Variants in TMEM67 observed in about 807,000 individuals in gnomAD.
The protein encoded by TMEM67 is meckelin.
A neutral mutation model predicts 136.6 loss-of-function variants in TMEM67; 124 were observed. The ratio of observed to expected loss-of-function variants is 0.91; its 90% confidence interval spans 0.78 to 1.05. The LOEUF (loss-of-function observed/expected upper bound fraction) is 1.05, where lower values mean the gene tolerates loss of function less well. Among genes scored for constraint, TMEM67 ranks in the 50% least tolerant of loss-of-function variants. The probability of loss-of-function intolerance (pLI) is 0.00; values close to 1 mark genes in which losing one functional copy is unlikely to be tolerated. For synonymous variants in TMEM67, 364 were observed against 390.5 expected (o/e 0.93, Z 0.80); for missense variants, 1,107 against 1,178.4 (o/e 0.94, Z 0.89).
intron 18 of TMEM67, 61 bp downstream of exon 18, chr8:93,796,048 T>A: frequency 9.5e-7 from 1 of 1,056,802 alleles, no homozygotes; most frequent in Non-Finnish European, 1.5e-6. Flanking sequence ...AACAAGTCTT[T>A]AAAATTAAAA....
intron 2 of TMEM67, chr8:93,757,069 G>T (rs1812602330): frequency 6.8e-6 from 1 of 146,428 alleles, no homozygotes; most frequent in Admixed American, 7.1e-5. Context: ...GCGAGACTCT[G>T]TCTCAAAAAA....
downstream of TMEM67, chr8:93,819,195 ATT>A (rs761600404): frequency 2.3e-6 from 1 of 440,494 alleles, no homozygotes; most frequent in Non-Finnish European, 4.5e-6. Context: ...CCCAAAATAT[ATT>A]TTTTTCTTGC....
chr8:93,802,741 T>A (rs1286569235), intron 21 of TMEM67, among the ~76,000 whole-genome samples: 1 of 152,220 alleles, frequency 6.6e-6, no homozygotes, highest in Non-Finnish European at 1.5e-5. Flanking sequence ...GTTTTTCACA[T>A]CCTTTAAAGA....
At position 93,795,983 on chromosome 8, in the gene TMEM67, T is replaced by C; in HGVS notation, c.1856T>C (p.Leu619Pro). 1.2e-6 allele frequency: 2 copies of C among 1,611,178 alleles called. No individual in the cohort carries two copies. The highest frequency in any genetic ancestry group is 8.5e-7 in the Non-Finnish European group (1 of 1,177,392). ...ACTTATGTTGGATGTGCCTTTGCTCTGAAGGTAAGTTTTAAAGGACAGGTT... is the reference window on the plus strand; with the variant it reads ...ACTTATGTTGGATGTGCCTTTGCTCCGAAGGTAAGTTTTAAAGGACAGGTT... The part of the protein sequence containing the change: ...FVTYVGCAFA[L>P]KALQFLHKLI... The change falls in exon 18 of 28, where the codon CTG becomes CCG. Residue 619 changes from leucine (L) to proline (P), a missense_variant. By Grantham distance (98) the Leu-to-Pro change is moderately conservative (BLOSUM62 -3). This residue lies in a region of TMEM67 where 925 missense variants were observed against 1,002.4 expected (regional missense o/e 0.92). Coordinates refer to ENST00000453321, the MANE Select transcript of TMEM67 (RefSeq NM_153704.6).
chr8:93,775,446 G>A (rs1276528607), intron 7 of TMEM67, among the ~76,000 whole-genome samples: 3 of 152,126 alleles, frequency 2.0e-5, no homozygotes, highest in Non-Finnish European at 4.4e-5. Context: ...GTCCTGAATG[G>A]TATTGCCTAG....
At chr8:93,795,552 G>A (rs1177797673) in intron 17 of TMEM67, 45 bp downstream of exon 17, 1 of 1,458,758 alleles carries the variant, frequency 6.9e-7, no homozygotes, top group East Asian at 2.3e-5. Flanking sequence ...TATCTGAATA[G>A]TTGAAAAGCT....
At chr8:93,766,279 C>T (rs908003850) in intron 6 of TMEM67, among the ~76,000 whole-genome samples, 13 of 152,154 alleles carry the variant, frequency 8.5e-5, no homozygotes, top group South Asian at 2.1e-4. Context: ...CCACTACGCC[C>T]GGCTAATTTT....
rs1392147848 is a variant in TMEM67, at chr8:93,791,339, T to A, written c.1575+20T>A. 1 of 1,503,282 alleles carries A rather than the reference T, an allele frequency of 6.7e-7. No individual in the cohort carries two copies. The highest frequency in any genetic ancestry group is 1.4e-5 in the African/African-American group (1 of 72,624). The allele number at this position is 1,503,282 out of a possible 1,614,324, so 93.1% of individuals were successfully genotyped here. ...ACAGATGTAAGTTTATTTTAACCTT[T>A]TAAAATATATACAGTGTATTTTATA... On this transcript the variant is annotated intron_variant, in intron 15 of 27. Transcript: ENST00000453321.
chr8:93,792,241 G>A (rs935868659), intron 15 of TMEM67, among the ~76,000 whole-genome samples: 13 of 151,286 alleles, frequency 8.6e-5, no homozygotes, highest in African/African-American at 2.7e-4. Context: ...GCGCTATCTC[G>A]GCCCACTGCA....
intron 3 of TMEM67, among the ~76,000 whole-genome samples, chr8:93,763,535 A>C (rs1812940588): frequency 6.6e-6 from 1 of 152,212 alleles, no homozygotes; most frequent in South Asian, 2.1e-4. Context: ...GAGGTAAGAA[A>C]ATTTTTGAGG....
At chr8:93,788,890 A>G (rs138958029) in intron 14 of TMEM67, among the ~76,000 whole-genome samples, 1 of 152,314 alleles carries the variant, frequency 6.6e-6, no homozygotes, top group East Asian at 1.9e-4. Flanking sequence ...AATGAGCCTA[A>G]AGAAGGTTGA....
Position 93,815,437 on chromosome 8 carries a change from TACA to T in TMEM67, c.2902_2904del (p.Gln968del), listed in dbSNP as rs1367732232. The T allele has an allele frequency of 6.2e-7, 1 of 1,612,482 alleles. No individual in the cohort carries two copies. Among genetic ancestry groups the T allele is most frequent in the Non-Finnish European group, 8.5e-7 (1 of 1,179,502 alleles). ...ATTTTAGCATCCTTCCTTACATATCTACAACAAGAGGTAAACTTTTAAAATTTT... is the reference window on the plus strand; with the variant it reads ...ATTTTAGCATCCTTCCTTACATATCTACAAGAGGTAAACTTTTAAAATTTT... On this transcript the variant is annotated inframe_deletion, in exon 27 of 28. Coordinates refer to ENST00000453321, the MANE Select transcript of TMEM67 (RefSeq NM_153704.6).
chr8:93,791,525 A>G (rs1033734336), intron 15 of TMEM67, among the ~76,000 whole-genome samples: 8 of 152,160 alleles, frequency 5.3e-5, no homozygotes, highest in African/African-American at 1.9e-4. Flanking sequence ...TACTATTTGA[A>G]TTTCACTATT....
At chr8:93,769,218 G>T (rs1813224169) in intron 6 of TMEM67, among the ~76,000 whole-genome samples, 2 of 152,204 alleles carry the variant, frequency 1.3e-5, no homozygotes, top group Admixed American at 1.3e-4. Flanking sequence ...CCTTGAAGAA[G>T]GGCTGCCTGC....
intron 16 of TMEM67, 41 bp downstream of exon 16, chr8:93,793,337 G>T: frequency 6.7e-7 from 1 of 1,503,624 alleles, no homozygotes; most frequent in South Asian, 1.1e-5. Flanking sequence ...TTTATCTTTT[G>T]ACCATTCTGG....
At chr8:93,830,143 A>G in the TMEM67 span, among the ~76,000 whole-genome samples, 3 of 152,088 alleles carry the variant, frequency 2.0e-5, no homozygotes, top group African/African-American at 4.8e-5. Flanking sequence ...ACATTTCTAC[A>G]TGGTTGTCAA....
intron 11 of TMEM67, among the ~76,000 whole-genome samples, 182 bp from the exon 12 acceptor site, chr8:93,785,040 G>C (rs546398740): frequency 5.3e-5 from 8 of 152,158 alleles, no homozygotes; most frequent in African/African-American, 1.9e-4. Flanking sequence ...TCATGTTTTG[G>C]AAGACAAATG....
At chr8:93,758,388 T>C (rs749529458) in intron 2 of TMEM67, 95 bp from the exon 3 acceptor site, 30 of 875,176 alleles carry the variant, frequency 3.4e-5, no homozygotes, top group Middle Eastern at 2.9e-4. Flanking sequence ...GAATATTCAC[T>C]GTAGTTACAT....
In TMEM67 at chr8:93,816,632, A is replaced by G. The variant is rs1259025775; in HGVS notation, c.*180A>G. The G allele has an allele frequency of 6.5e-6, 3 of 464,358 alleles. No individual in the cohort carries two copies. The highest frequency in any genetic ancestry group is 1.2e-5 in the Non-Finnish European group (3 of 254,948). 28.8% of individuals were successfully genotyped at this position (464,358 alleles called of 1,614,324 possible). A position where few individuals can be genotyped will look rare whatever the true frequency, so the allele number is the denominator to read the frequency against. ...TATATAACCTGATATAATAGAAAAT[A>G]CTGTTTTCCCATTGTGTGTAGTATT... On this transcript the variant is annotated 3_prime_UTR_variant, in exon 28 of 28. Coordinates refer to ENST00000453321, the MANE Select transcript of TMEM67 (RefSeq NM_153704.6).
Sources: gnomAD v4.1 joint callset for allele counts (sites outside exome capture counted in the v4.1 genomes callset) on GRCh38, gnomAD v4.1.1 for gene constraint, gnomAD v4.1.1 regional missense constraint, MANE v1.5 for transcripts, NCBI Gene and HGNC (gene_info 2026-07-23, HGNC 2026-07-21) for gene names.